The following USP13 variants were observed in gnomAD, a reference collection of about 807,000 sequenced individuals.
The protein encoded by USP13 is ubiquitin carboxyl-terminal hydrolase 13.
Under a neutral mutation model 107.8 loss-of-function variants are expected in USP13, and 68 were observed. The ratio of observed to expected loss-of-function variants is 0.63; its 90% CI spans 0.52 to 0.77. USP13 has a LOEUF of 0.77. Among genes scored for constraint, USP13 ranks in the 30% least tolerant of loss-of-function variants. The pLI is 0.00. For missense variants in USP13, 945 were observed against 1,093.3 expected (o/e 0.86, Z 1.91); for synonymous variants, 377 against 389.5 (o/e 0.97, Z 0.38).
chr3:179,685,907 A>G (rs182670757), intron 2 of USP13, among the ~76,000 whole-genome samples: 109 of 152,086 alleles, frequency 7.2e-4, no homozygotes, highest in Non-Finnish European at 1.3e-3. Flanking sequence ...TTTTTTCAAC[A>G]TTCTGTAATC....
At position 179,758,266 on chromosome 3, in the gene USP13, C is replaced by T. The variant is rs756313010; in HGVS notation, c.1948+1188C>T. Among the ~76,000 whole-genome samples, 30 of 151,990 alleles carry T rather than the reference C, an allele frequency of 2.0e-4. 1 individual carries two copies. Among genetic ancestry groups the T allele is most frequent in the African/African-American group, 5.6e-4 (23 of 41,388 alleles). ...TGGCATGTGAGAGGTTTGCTGGTTG[C>T]GCCTGATGCTGTGGAGAGCTGGCCT... is the stretch of plus-strand genomic sequence containing the variant. On this transcript the variant is annotated intron_variant, in intron 16 of 20. Transcript: ENST00000263966.
At chr3:179,724,142 G>A (rs1713428439) in intron 8 of USP13, among the ~76,000 whole-genome samples, 1 of 151,902 alleles carries the variant, frequency 6.6e-6, no homozygotes, top group South Asian at 2.1e-4. Flanking sequence ...CTGGGCAACA[G>A]AGTGAGATCC....
intron 1 of USP13, among the ~76,000 whole-genome samples, chr3:179,656,298 G>C (rs1458023124): frequency 4.6e-5 from 7 of 152,328 alleles, no homozygotes; most frequent in East Asian, 3.9e-4. Flanking sequence ...GAAAACATTT[G>C]ATCTTGATTT....
intron 8 of USP13, among the ~76,000 whole-genome samples, chr3:179,728,666 C>T (rs994192388): frequency 6.6e-6 from 1 of 152,138 alleles, no homozygotes; most frequent in Non-Finnish European, 1.5e-5. Flanking sequence ...GCCGAGATCA[C>T]GCCACTGCAC....
chr3:179,773,243 TC>T (rs1715395208), intron 19 of USP13, among the ~76,000 whole-genome samples: 1 of 152,144 alleles, frequency 6.6e-6, no homozygotes, highest in African/African-American at 2.4e-5. Flanking sequence ...CAATTTTATT[TC>T]CCCCGCTTTG....
At chr3:179,760,999 C>G in intron 16 of USP13, 113 bp from the exon 17 acceptor site, 1 of 1,313,656 alleles carries the variant, frequency 7.6e-7, no homozygotes, top group Admixed American at 2.1e-5. Flanking sequence ...TTATCTACAC[C>G]CAACAGAATA....
intron 19 of USP13, among the ~76,000 whole-genome samples, chr3:179,774,538 C>G (rs1159343933): frequency 6.6e-6 from 1 of 151,802 alleles, no homozygotes; most frequent in Non-Finnish European, 1.5e-5. Context: ...TTCCTCCTGT[C>G]CGGAGTTGCT....
chr3:179,658,243 T>C (rs1017495276), intron 1 of USP13, among the ~76,000 whole-genome samples: 8 of 152,192 alleles, frequency 5.3e-5, no homozygotes, highest in South Asian at 2.1e-4. Flanking sequence ...CGGGAGCCAC[T>C]GCACCTGGCC....
chr3:179,706,332 T>A (rs2108480326), intron 4 of USP13, among the ~76,000 whole-genome samples: 1 of 152,318 alleles, frequency 6.6e-6, no homozygotes, highest in East Asian at 1.9e-4. Flanking sequence ...AGAGTCTGTT[T>A]TCCTCCTCCC....
Position 179,785,712 on chromosome 3 carries a change from T to G in USP13, c.*1571T>G, listed in dbSNP as rs1715897569. On this transcript the variant is annotated 3_prime_UTR_variant, in exon 21 of 21. Coordinates refer to ENST00000263966, the MANE Select transcript of USP13 (RefSeq NM_003940.3). Reference sequence around the variant, plus strand: ...TGAACAATCAGGATTCTGGGTGTGATGGGGGTCCCTGTCTCATAGGTGATC... The same window carrying G: ...TGAACAATCAGGATTCTGGGTGTGAGGGGGGTCCCTGTCTCATAGGTGATC... 6.6e-6 allele frequency: 1 copy of G among 152,268 alleles called. No homozygotes were observed. The highest frequency in any genetic ancestry group is 2.4e-5 in the African/African-American group (1 of 41,462). The allele number at this position is 152,268 out of a possible 1,614,324, so 9.4% of individuals were successfully genotyped here.
At position 179,653,409 on chromosome 3, in the gene USP13, C is replaced by T. The variant is rs1221413250; in HGVS notation, c.168+16C>T. ...CGACTCTCCCGTAAGTGAGGCGCCT[C>T]GGGGGAGGGTCGCGGGGCCGGCGGC... is the stretch of plus-strand genomic sequence containing the variant. On this transcript the variant is annotated intron_variant, in intron 1 of 20. Transcript: ENST00000263966. This position sits in a 1 kb window ranked among gnomAD's most constrained non-coding sequence, Gnocchi z 4.0. The T allele has an allele frequency of 6.5e-7, 1 of 1,548,876 alleles. No individual in the cohort carries two copies. Among genetic ancestry groups the T allele is most frequent in the Non-Finnish European group, 8.7e-7 (1 of 1,145,200 alleles).
chr3:179,767,350 A>G (rs1348547378), intron 19 of USP13, among the ~76,000 whole-genome samples: 1 of 150,542 alleles, frequency 6.6e-6, no homozygotes, highest in African/African-American at 2.5e-5. Flanking sequence ...TGATGGATAG[A>G]ACCACAATTC....
chr3:179,742,403 C>A lies in USP13; in HGVS notation c.1534+53C>A. 1 of 1,605,626 alleles carries A rather than the reference C, an allele frequency of 6.2e-7. No individual in the cohort carries two copies. The highest frequency in any genetic ancestry group is 1.1e-5 in the South Asian group (1 of 90,184). On this transcript the variant is annotated intron_variant, in intron 12 of 20. Coordinates refer to ENST00000263966, the MANE Select transcript of USP13 (RefSeq NM_003940.3). This position sits in a 1 kb window ranked among gnomAD's most constrained non-coding sequence, Gnocchi z 5.0. ...ACTGTGTGTCTTCATATGGGAAAAC[C>A]CTCAAATCAGAGAGAATGGTTTAGT...
At chr3:179,778,706 C>G (rs111862499) in intron 19 of USP13, among the ~76,000 whole-genome samples, 1,631 of 151,444 alleles carry the variant, frequency 0.011, 30 homozygotes, top group African/African-American at 0.037. Context: ...GCGGAGGTTG[C>G]AGTGAGCCGA....
chr3:179,778,808 T>C (rs1462929643), intron 19 of USP13, among the ~76,000 whole-genome samples: 2 of 151,578 alleles, frequency 1.3e-5, no homozygotes, highest in South Asian at 4.2e-4. Flanking sequence ...CAGGTGTTAC[T>C]TTCTGCTGTA....
At chr3:179,762,688 T>A (rs1451233253) in intron 17 of USP13, among the ~76,000 whole-genome samples, 1 of 152,244 alleles carries the variant, frequency 6.6e-6, no homozygotes, top group Non-Finnish European at 1.5e-5. Context: ...TTTTTGGCTT[T>A]TATGAACAAT....
intron 10 of USP13, among the ~76,000 whole-genome samples, chr3:179,737,714 C>A (rs1714042525): frequency 6.6e-6 from 1 of 152,222 alleles, no homozygotes; most frequent in African/African-American, 2.4e-5. Context: ...CCAAATGCTG[C>A]CACTTTGAGG....
At chr3:179,763,354 A>T (rs553145101) in intron 17 of USP13, among the ~76,000 whole-genome samples, 1 of 152,168 alleles carries the variant, frequency 6.6e-6, no homozygotes, top group Non-Finnish European at 1.5e-5. Context: ...TTTAGCTCCT[A>T]TATTTAGGTC....
chr3:179,695,341 A>G (rs972141255), intron 3 of USP13, among the ~76,000 whole-genome samples: 1 of 152,190 alleles, frequency 6.6e-6, no homozygotes, highest in Non-Finnish European at 1.5e-5. Flanking sequence ...CAACAGTGAC[A>G]TTGAAACCAT....
Sources: allele counts gnomAD v4.1 joint callset (sites outside exome capture counted in the v4.1 genomes callset), GRCh38; gene constraint gnomAD v4.1.1; non-coding constraint Gnocchi (gnomAD v3.1); transcripts MANE v1.5; gene names NCBI Gene and HGNC (gene_info 2026-07-23, HGNC 2026-07-21).